SPATS2: variants seen among roughly 807,000 people sequenced by gnomAD.
SPATS2 encodes spermatogenesis-associated serine-rich protein 2.
Under a neutral mutation model 63.7 loss-of-function variants are expected in SPATS2, and 38 were observed. The ratio of observed to expected loss-of-function variants is 0.60; its 90% confidence interval spans 0.46 to 0.78. The LOEUF is 0.78. Among genes scored for constraint, SPATS2 ranks in the 30% least tolerant of loss-of-function variants. The probability of loss-of-function intolerance (pLI) is 0.00; values close to 1 mark genes in which losing one functional copy is unlikely to be tolerated. For synonymous variants in SPATS2, 207 were observed against 232.9 expected (o/e 0.89, Z 1.01); for missense variants, 588 against 666.2 (o/e 0.88, Z 1.29).
chr12:49,453,673 T>C (rs1945665058), intron 2 of SPATS2, among the ~76,000 whole-genome samples: 1 of 151,400 alleles, frequency 6.6e-6, no homozygotes, highest in African/African-American at 2.4e-5. Context: ...GTTAGCTGGG[T>C]GTGGTGGTAT....
At chr12:49,492,181 G>A (rs905017870) in intron 6 of SPATS2, among the ~76,000 whole-genome samples, 2 of 151,518 alleles carry the variant, frequency 1.3e-5, no homozygotes, top group Non-Finnish European at 2.9e-5. Flanking sequence ...ATAACTGTGA[G>A]TGTCCTGGAA....
chr12:49,476,541 T>C (rs941468776), intron 3 of SPATS2, among the ~76,000 whole-genome samples: 3 of 152,170 alleles, frequency 2.0e-5, no homozygotes, highest in Non-Finnish European at 2.9e-5. Context: ...GATGGTAGGT[T>C]GCTAAACCGA....
At chr12:49,495,126 TTTACTTTTTAGTTTTTG>T (rs1363992749) in intron 7 of SPATS2, 124 bp downstream of exon 7, 5 of 1,051,942 alleles carry the variant, frequency 4.8e-6, no homozygotes, top group Non-Finnish European at 6.4e-6. Context: ...GATTAGTCTT[TTTACTTTTTAGTTTTTG>T]TTACTTTTTG....
intron 3 of SPATS2, among the ~76,000 whole-genome samples, chr12:49,467,692 C>G (rs1041610166): frequency 3.3e-5 from 5 of 152,114 alleles, no homozygotes; most frequent in African/African-American, 1.2e-4. Context: ...GGATGGTACA[C>G]TAGACTCTTT....
intron 2 of SPATS2, among the ~76,000 whole-genome samples, chr12:49,421,112 G>A (rs933783551): frequency 2.0e-5 from 3 of 152,120 alleles, no homozygotes; most frequent in African/African-American, 4.8e-5. Context: ...TTATTTGCAC[G>A]TGTATACGTA....
At chr12:49,476,535 G>A (rs1302808774) in intron 3 of SPATS2, among the ~76,000 whole-genome samples, 2 of 152,198 alleles carry the variant, frequency 1.3e-5, no homozygotes, top group Non-Finnish European at 2.9e-5. Flanking sequence ...CCTATGGATG[G>A]TAGGTTGCTA....
At chr12:49,524,641 T>G (rs1400021250) in intron 12 of SPATS2, 41 bp from the exon 13 acceptor site, 1 of 1,594,014 alleles carries the variant, frequency 6.3e-7, no homozygotes, top group East Asian at 2.2e-5. Context: ...CATTGTGCTG[T>G]TCTATCATAT....
At chr12:49,492,466 C>T (rs773733796) in intron 6 of SPATS2, among the ~76,000 whole-genome samples, 19 of 152,206 alleles carry the variant, frequency 1.2e-4, no homozygotes, top group African/African-American at 2.4e-4. Context: ...AAGTGATCTG[C>T]GCACCTTGGC....
At chr12:49,457,625 G>T (rs548097637) in intron 2 of SPATS2, among the ~76,000 whole-genome samples, 32 of 152,186 alleles carry the variant, frequency 2.1e-4, no homozygotes, top group Non-Finnish European at 2.8e-4. Flanking sequence ...TAGAGATGGG[G>T]TTTCACCATG....
chr12:49,505,710 G>A (rs1399117310), intron 9 of SPATS2, among the ~76,000 whole-genome samples: 2 of 152,122 alleles, frequency 1.3e-5, no homozygotes. Flanking sequence ...TTTCCACAAA[G>A]TAGGTATTGT....
chr12:49,488,659 A>G (rs1946335192), intron 4 of SPATS2, among the ~76,000 whole-genome samples: 1 of 152,150 alleles, frequency 6.6e-6, no homozygotes, highest in Non-Finnish European at 1.5e-5. Flanking sequence ...CTGTCTCAAA[A>G]TAAATAAATA....
rs1944752732 is a variant in SPATS2, at chr12:49,409,284, T to C, written c.-244+37994T>C. On this transcript the variant is annotated intron_variant, in intron 2 of 13. Transcript: ENST00000552918. ...CAAAGTGGAGAGGTGGAGAATATTT[T>C]AGAAGTTTTTTTTGTTGTTGTTTTT... Among the ~76,000 whole-genome samples the C allele has an allele frequency of 3.9e-5, 6 of 152,192 alleles. 1 individual carries two copies. The South Asian group carries it at 1.3e-3, about 32-fold the overall frequency.
intron 2 of SPATS2, among the ~76,000 whole-genome samples, chr12:49,427,585 A>G (rs934274943): frequency 6.6e-5 from 10 of 152,208 alleles, no homozygotes; most frequent in African/African-American, 2.2e-4. Flanking sequence ...ATTCTAAAGA[A>G]GTTGTACCAG....
chr12:49,495,073 GATCA>G (rs1946443130), intron 7 of SPATS2, 71 bp downstream of exon 7: 2 of 1,413,254 alleles, frequency 1.4e-6, no homozygotes, highest in East Asian at 2.5e-5. Context: ...TTGAGAAAGT[GATCA>G]ATTAAATCTA....
chr12:49,526,069 T>C lies in SPATS2; in HGVS notation c.1452T>C (p.Ser484=). The C allele has an allele frequency of 6.2e-7, 1 of 1,614,242 alleles. No homozygotes were observed. The highest frequency in any genetic ancestry group is 8.5e-7 in the Non-Finnish European group (1 of 1,180,052). The change falls in exon 14 of 14, where the codon TCT becomes TCC. Residue 484 remains serine, a synonymous_variant. Coordinates refer to ENST00000552918, the MANE Select transcript of SPATS2 (RefSeq NM_023071.4). ...GRYRNSSWYS[S]GSRYQSAPSQ... is the part of the protein sequence containing the mutation. ...ACAGAAACAGCTCGTGGTATTCATC[T>C]GGTTCCAGGTATCAGAGTGCTCCAT...
At chr12:49,391,088 T>G (rs988794241) in intron 2 of SPATS2, among the ~76,000 whole-genome samples, 1 of 152,228 alleles carries the variant, frequency 6.6e-6, no homozygotes, top group African/African-American at 2.4e-5. Flanking sequence ...AAAAAAAAAT[T>G]CTGGATCTGT....
chr12:49,472,833 A>T (rs1946059122), intron 3 of SPATS2, among the ~76,000 whole-genome samples: 1 of 150,384 alleles, frequency 6.6e-6, no homozygotes, highest in African/African-American at 2.4e-5. Context: ...TGAGCTCTGG[A>T]GTTCGAGACC....
chr12:49,516,192 T>C (rs1193844857), intron 10 of SPATS2, among the ~76,000 whole-genome samples: 1 of 69,706 alleles, frequency 1.4e-5, no homozygotes, highest in Admixed American at 1.8e-4. Context: ...TATATATATA[T>C]ATATATATAT....
intron 2 of SPATS2, among the ~76,000 whole-genome samples, chr12:49,417,459 A>T (rs545506870): frequency 1.2e-4 from 18 of 152,252 alleles, no homozygotes; most frequent in Non-Finnish European, 2.1e-4. Context: ...TTTGAACAGC[A>T]TTAGGGCACT....
Sources: allele counts gnomAD v4.1 joint callset (sites outside exome capture counted in the v4.1 genomes callset), GRCh38; gene constraint gnomAD v4.1.1; transcripts MANE v1.5; gene names NCBI Gene and HGNC (gene_info 2026-07-23, HGNC 2026-07-21).